ENPP3: variants seen among roughly 807,000 people sequenced by gnomAD.
ENPP3 encodes ectonucleotide pyrophosphatase/phosphodiesterase 3, also known as ectonucleotide pyrophosphatase/phosphodiesterase family member 3.
ENPP3 carries 104 observed loss-of-function variants against 117.8 expected under a neutral mutation model. The ratio of observed to expected loss-of-function variants is 0.88; its 90% CI spans 0.75 to 1.04. The LOEUF (loss-of-function observed/expected upper bound fraction) is 1.04, where lower values mean the gene tolerates loss of function less well. Ranked by LOEUF, ENPP3 falls within the 50% of genes least tolerant of loss-of-function variation. The pLI, the probability that ENPP3 is intolerant of heterozygous loss-of-function variation, is 0.00. For synonymous variants in ENPP3, 380 were observed against 349.9 expected (o/e 1.09, Z -0.96); for missense variants, 1,026 against 1,051.9 (o/e 0.98, Z 0.34).
chr6:131,646,972 CTT>C (rs747724228), intron 2 of ENPP3, among the ~76,000 whole-genome samples: 32 of 127,592 alleles, frequency 2.5e-4, no homozygotes, highest in Admixed American at 4.0e-4. Flanking sequence ...CAACCAGCTA[CTT>C]TTTTTTTTTT....
rs1273115716 is a variant in ENPP3 at position 131,726,014 on chromosome 6, AACCTTTTTATTTTATGTTATTTTAATTT to A, written c.1799-31_1799-4del. The A allele has an allele frequency of 6.5e-7, 1 of 1,538,614 alleles. No homozygotes were observed. The highest frequency in any genetic ancestry group is 9.0e-7 in the Non-Finnish European group (1 of 1,115,116). ...CAAAGAAGCATTTGCTAATTTCATGAACCTTTTTATTTTATGTTATTTTAATTTTAGTAACAGCAACAGTGAAAGTAAA... is the reference window on the plus strand; with the variant it reads ...CAAAGAAGCATTTGCTAATTTCATGATAGTAACAGCAACAGTGAAAGTAAA... On this transcript the variant is annotated splice_region_variant and splice_polypyrimidine_tract_variant and intron_variant, in intron 19 of 24. Coordinates refer to ENST00000357639, the MANE Select transcript of ENPP3 (RefSeq NM_005021.5).
chr6:131,653,504 C>G (rs995655048), intron 5 of ENPP3, among the ~76,000 whole-genome samples: 2 of 152,086 alleles, frequency 1.3e-5, no homozygotes, highest in African/African-American at 4.8e-5. Flanking sequence ...CTCCAAAGTT[C>G]TTATGGTCAG....
intron 20 of ENPP3, among the ~76,000 whole-genome samples, chr6:131,730,387 A>C (rs1263569900): frequency 6.6e-6 from 1 of 152,212 alleles, no homozygotes; most frequent in African/African-American, 2.4e-5. Flanking sequence ...CTGCCACCTG[A>C]AGGAGAGTGA....
intron 20 of ENPP3, among the ~76,000 whole-genome samples, chr6:131,728,567 ACT>A (rs1780205711): frequency 1.3e-5 from 2 of 152,266 alleles, no homozygotes; most frequent in East Asian, 1.9e-4. Context: ...TTCAGAAATT[ACT>A]CTGTTAGTGT....
At chr6:131,676,572 T>G (rs1283406171) in intron 9 of ENPP3, among the ~76,000 whole-genome samples, 164 bp from the exon 10 acceptor site, 1 of 152,212 alleles carries the variant, frequency 6.6e-6, no homozygotes, top group Non-Finnish European at 1.5e-5. Context: ...AGTGTATCTA[T>G]AAACAGAAAT....
In ENPP3 at chr6:131,742,527, C is replaced by T. The variant is rs114638082; in HGVS notation, c.2457+2147C>T. 1.7e-3 allele frequency among the ~76,000 whole-genome samples: 266 copies of T among 152,122 alleles called. 1 individual carries two copies. The highest frequency in any genetic ancestry group is 0.01 in the Middle Eastern group (3 of 294). On this transcript the variant is annotated intron_variant, in intron 24 of 24. Coordinates refer to ENST00000357639, the MANE Select transcript of ENPP3 (RefSeq NM_005021.5). ...CTCATTTGTCAGTGTGCACTACTAC[C>T]AACTTACTCATCTTAAAATTTAGTT...
At chr6:131,678,019 T>C in intron 11 of ENPP3, 79 bp downstream of exon 11, 1 of 820,028 alleles carries the variant, frequency 1.2e-6, no homozygotes, top group Non-Finnish European at 2.0e-6. Flanking sequence ...ATAGTATTCT[T>C]TAACTTCTAC....
At position 131,683,029 on chromosome 6, in the gene ENPP3, A is replaced by G. The variant is rs372731964; in HGVS notation, c.1012-25A>G. On this transcript the variant is annotated intron_variant, in intron 11 of 24. Coordinates refer to ENST00000357639, the MANE Select transcript of ENPP3 (RefSeq NM_005021.5). ...CTAATTAAGACAACTCATTACGACA[A>G]TCTTAACTCCAAATTATTTTTCAGG... 3.0e-5 allele frequency: 42 copies of G among 1,391,428 alleles called. 1 individual carries two copies. The highest frequency in any genetic ancestry group is 4.3e-5 in the Non-Finnish European group (42 of 977,914). The allele number at this position is 1,391,428 out of a possible 1,614,324, so 86.2% of individuals were successfully genotyped here.
intron 18 of ENPP3, among the ~76,000 whole-genome samples, chr6:131,723,366 T>C (rs371668370): frequency 6.6e-6 from 1 of 152,236 alleles, no homozygotes. Flanking sequence ...AGAGTAAGGG[T>C]GTGGGTTTCC....
chr6:131,737,369 T>A lies in ENPP3; in HGVS notation c.2104T>A (p.Ser702Thr), dbSNP rs1780419849. ...FLYPPASNRT[S>T]DSQYDALITS... The stretch of plus-strand genomic sequence containing the variant: ...TTGTTTTGCAGCCAGCAATAGAACA[T>A]CAGATAGCCAATATGATGCTTTAAT... Residue 702 changes from serine (S) to threonine (T), a missense_variant, in exon 22 of 25, where the codon TCA becomes ACA. Ser to Thr is a moderately conservative substitution (Grantham distance 58). Coordinates refer to ENST00000357639, the MANE Select transcript of ENPP3 (RefSeq NM_005021.5). The A allele has an allele frequency of 6.2e-7, 1 of 1,608,536 alleles. No individual in the cohort carries two copies. Among genetic ancestry groups the A allele is most frequent in the African/African-American group, 1.3e-5 (1 of 74,806 alleles).
At chr6:131,659,780 A>G (rs1310390901) in intron 6 of ENPP3, among the ~76,000 whole-genome samples, 2 of 152,178 alleles carry the variant, frequency 1.3e-5, no homozygotes, top group African/African-American at 2.4e-5. Context: ...TTTGTCCTAG[A>G]AAGTTAACTA....
chr6:131,728,063 C>A (rs1780195890), intron 20 of ENPP3, among the ~76,000 whole-genome samples: 1 of 152,130 alleles, frequency 6.6e-6, no homozygotes, highest in Admixed American at 6.5e-5. Flanking sequence ...TGTTTGTTTG[C>A]CAGTGTGGGC....
intron 15 of ENPP3, among the ~76,000 whole-genome samples, chr6:131,699,280 G>A (rs1316883689): frequency 2.9e-5 from 4 of 137,692 alleles, no homozygotes; most frequent in East Asian, 4.7e-4. Context: ...TTAGGACATA[G>A]TTTTATATCT....
At chr6:131,649,959 T>C (rs1453224098) in intron 2 of ENPP3, 68 bp from the exon 3 acceptor site, 1 of 1,567,674 alleles carries the variant, frequency 6.4e-7, no homozygotes, top group East Asian at 2.2e-5. Flanking sequence ...CCTGTGTGCT[T>C]CCACTGCTTA....
intron 7 of ENPP3, among the ~76,000 whole-genome samples, chr6:131,673,469 G>A (rs1214073082): frequency 6.6e-6 from 1 of 152,168 alleles, no homozygotes; most frequent in African/African-American, 2.4e-5. Context: ...GGAGCTAAAT[G>A]ATAGGAACTT....
At chr6:131,702,201 A>T (rs555101974) in intron 15 of ENPP3, among the ~76,000 whole-genome samples, 409 of 152,172 alleles carry the variant, frequency 2.7e-3, no homozygotes, top group Non-Finnish European at 3.9e-3. Context: ...ACTAACTGAT[A>T]CACATGTCAA....
chr6:131,668,537 A>G (rs968715535), intron 6 of ENPP3, among the ~76,000 whole-genome samples: 3 of 152,014 alleles, frequency 2.0e-5, no homozygotes, highest in Non-Finnish European at 2.9e-5. Flanking sequence ...TGATCTGTAC[A>G]TTCTCTGGTT....
intron 3 of ENPP3, among the ~76,000 whole-genome samples, chr6:131,652,265 G>A (rs191663328): frequency 6.4e-4 from 97 of 152,302 alleles, no homozygotes; most frequent in African/African-American, 2.2e-3. Flanking sequence ...CTGCTCTTGG[G>A]TCGGAATAGG....
chr6:131,687,468 C>T (rs1055316641), intron 14 of ENPP3, among the ~76,000 whole-genome samples: 1 of 152,112 alleles, frequency 6.6e-6, no homozygotes, highest in Admixed American at 6.6e-5. Context: ...TAATTTTTGG[C>T]TAAGTCCCCA....
Sources: gnomAD v4.1 joint callset for allele counts (sites outside exome capture counted in the v4.1 genomes callset) on GRCh38, gnomAD v4.1.1 for gene constraint, MANE v1.5 for transcripts, NCBI Gene and HGNC (gene_info 2026-07-23, HGNC 2026-07-21) for gene names.